RBFOX1: variants seen among roughly 807,000 people sequenced by gnomAD.
RBFOX1 encodes the protein RNA binding protein fox-1 homolog 1.
RBFOX1 carries 8 observed loss-of-function variants against 57.7 expected under a neutral mutation model. The observed-to-expected ratio is 0.14, with a 90% CI of 0.08 to 0.25. The LOEUF (loss-of-function observed/expected upper bound fraction) is 0.25, where lower values mean the gene tolerates loss of function less well. Ranked by LOEUF, RBFOX1 falls within the 10% of genes least tolerant of loss-of-function variation. The pLI, the probability that RBFOX1 is intolerant of heterozygous loss-of-function variation, is 1.00. For missense variants in RBFOX1, 611 were observed against 548.5 expected (o/e 1.11, Z -1.14); for synonymous variants, 326 against 222.4 (o/e 1.47, Z -4.15).
At chr16:6,779,643 G>T (rs571172095) in intron 3 of RBFOX1, among the ~76,000 whole-genome samples, 2 of 142,420 alleles carry the variant, frequency 1.4e-5, no homozygotes, top group Non-Finnish European at 3.0e-5. Flanking sequence ...TAGTATACAA[G>T]GGTTCCCTCT....
chr16:7,352,869 C>G (rs1047296576), intron 4 of RBFOX1, among the ~76,000 whole-genome samples: 3 of 152,046 alleles, frequency 2.0e-5, no homozygotes, highest in African/African-American at 7.2e-5. Context: ...GAGCATGCCA[C>G]CATGACCAGC....
intron 2 of RBFOX1, among the ~76,000 whole-genome samples, chr16:5,592,839 G>A (rs2047054925): frequency 6.6e-6 from 1 of 152,170 alleles, no homozygotes; most frequent in Non-Finnish European, 1.5e-5. Context: ...ATATGTCAGA[G>A]CCCTGGGGTC....
At chr16:6,318,125 G>A (rs1484660767) in intron 2 of RBFOX1, among the ~76,000 whole-genome samples, 2 of 151,982 alleles carry the variant, frequency 1.3e-5, no homozygotes, top group Non-Finnish European at 2.9e-5. Context: ...AGAGGGGAAG[G>A]AGGCAGAGAT....
chr16:6,908,372 G>C (rs2070645411), intron 3 of RBFOX1, among the ~76,000 whole-genome samples: 1 of 146,320 alleles, frequency 6.8e-6, no homozygotes, highest in Admixed American at 6.7e-5. Flanking sequence ...TAACCCCGAT[G>C]TGTGTCTGTC....
intron 2 of RBFOX1, among the ~76,000 whole-genome samples, chr16:6,531,248 T>C (rs1457454805): frequency 1.3e-5 from 2 of 152,356 alleles, no homozygotes; most frequent in East Asian, 3.9e-4. Context: ...TCAAGTTTGC[T>C]GTGTCTGTAG....
At chr16:7,434,870 G>C (rs2098709960) in intron 4 of RBFOX1, among the ~76,000 whole-genome samples, 1 of 152,008 alleles carries the variant, frequency 6.6e-6, no homozygotes, top group Non-Finnish European at 1.5e-5. Context: ...CTCCTGGGTA[G>C]ATGGGATTAC....
At chr16:7,335,079 G>A (rs760674926) in intron 4 of RBFOX1, among the ~76,000 whole-genome samples, 4 of 152,048 alleles carry the variant, frequency 2.6e-5, no homozygotes, top group Non-Finnish European at 5.9e-5. Flanking sequence ...TTTACCCTTT[G>A]GCATCAAGTA....
chr16:7,618,787 A>G (rs1172622871), intron 10 of RBFOX1, among the ~76,000 whole-genome samples: 1 of 152,208 alleles, frequency 6.6e-6, no homozygotes, highest in Non-Finnish European at 1.5e-5. Flanking sequence ...GTTTTGAAGA[A>G]CCAACTGACA....
intron 3 of RBFOX1, among the ~76,000 whole-genome samples, chr16:5,742,451 A>G (rs2151594711): frequency 6.6e-6 from 1 of 152,218 alleles, no homozygotes; most frequent in Non-Finnish European, 1.5e-5. Context: ...AAAATGTAAA[A>G]GTGGGGCTGC....
At chr16:7,316,904 G>A (rs963946521) in intron 4 of RBFOX1, among the ~76,000 whole-genome samples, 17 of 151,498 alleles carry the variant, frequency 1.1e-4, no homozygotes, top group Admixed American at 4.6e-4. Flanking sequence ...AGAGACGACT[G>A]GAGTTTGGAA....
At chr16:7,433,600 A>G (rs1288130142) in intron 4 of RBFOX1, among the ~76,000 whole-genome samples, 2 of 152,212 alleles carry the variant, frequency 1.3e-5, no homozygotes, top group African/African-American at 2.4e-5. Flanking sequence ...GGTGAAGCAC[A>G]CTGACTTCAC....
chr16:5,695,789 T>A (rs1461420411), intron 3 of RBFOX1, among the ~76,000 whole-genome samples: 1 of 152,212 alleles, frequency 6.6e-6, no homozygotes, highest in Non-Finnish European at 1.5e-5. Context: ...TACTGAACAT[T>A]TAGATGCTCT....
At chr16:6,275,458 A>G (rs903884398) in intron 1 of RBFOX1, among the ~76,000 whole-genome samples, 7 of 152,226 alleles carry the variant, frequency 4.6e-5, no homozygotes, top group African/African-American at 1.7e-4. Flanking sequence ...TCTCATTCGC[A>G]TCTCATAACT....
intron 1 of RBFOX1, among the ~76,000 whole-genome samples, chr16:6,046,564 G>A (rs193130641): frequency 1.6e-4 from 24 of 152,208 alleles, no homozygotes; most frequent in African/African-American, 4.6e-4. Flanking sequence ...AAACATTACC[G>A]TATTAAATGA....
intron 4 of RBFOX1, among the ~76,000 whole-genome samples, chr16:5,917,352 T>G (rs1200419335): frequency 2.0e-5 from 3 of 152,230 alleles, no homozygotes; most frequent in Non-Finnish European, 4.4e-5. Context: ...TGCTAAGCAC[T>G]TTATGTGCAT....
intron 4 of RBFOX1, among the ~76,000 whole-genome samples, chr16:7,438,251 C>T (rs557979318): frequency 6.6e-6 from 1 of 152,098 alleles, no homozygotes; most frequent in Non-Finnish European, 1.5e-5. Context: ...TATTAAGATG[C>T]TGATGCGAGA....
Position 5,738,655 on chromosome 16 carries a change from A to AAAAAAAG in RBFOX1, c.319-128648_319-128647insAAAAAAG, listed in dbSNP as rs1555513202. ...TCTCAGAAAAAAAAAAAAAAAAAAA[A>AAAAAAAG]GGGAAATCTAAAGGAAGTATAAAGC... On this transcript the variant is annotated intron_variant, in intron 3 of 19. Transcript: ENST00000641259. Among the ~76,000 whole-genome samples the AAAAAAAG allele has an allele frequency of 6.5e-4, 98 of 150,348 alleles. 1 individual carries two copies. The highest frequency in any genetic ancestry group is 2.2e-3 in the African/African-American group (91 of 41,050).
intron 2 of RBFOX1, among the ~76,000 whole-genome samples, chr16:5,550,760 G>T (rs1597487427): frequency 6.6e-6 from 1 of 152,118 alleles, no homozygotes; most frequent in South Asian, 2.1e-4. Flanking sequence ...ACGGACATGA[G>T]AATAAACAAG....
intron 1 of RBFOX1, among the ~76,000 whole-genome samples, chr16:5,342,261 G>A (rs753313437): frequency 6.6e-6 from 1 of 152,272 alleles, no homozygotes; most frequent in African/African-American, 2.4e-5. Flanking sequence ...GAGATTTGAG[G>A]TGACTGAGCA....
Sources: gnomAD v4.1 joint callset for allele counts (sites outside exome capture counted in the v4.1 genomes callset) on GRCh38, gnomAD v4.1.1 for gene constraint, MANE v1.5 for transcripts, NCBI Gene and HGNC (gene_info 2026-07-23, HGNC 2026-07-21) for gene names.